The following TRPC6 variants were observed in gnomAD, a reference collection of about 807,000 sequenced individuals.
The protein encoded by TRPC6 is short transient receptor potential channel 6.
Under a neutral mutation model 90.7 loss-of-function variants are expected in TRPC6, and 55 were observed. The observed-to-expected ratio is 0.61, with a 90% CI of 0.49 to 0.76. TRPC6 has a LOEUF of 0.76. Ranked by LOEUF, TRPC6 falls within the 30% of genes least tolerant of loss-of-function variation. The pLI is 0.00. For synonymous variants in TRPC6, 393 were observed against 393.0 expected (o/e 1.00, Z 0.00); for missense variants, 989 against 1,122.7 (o/e 0.88, Z 1.70).
At chr11:101,483,912 CTCTG>C (rs768059956) in intron 4 of TRPC6, among the ~76,000 whole-genome samples, 13 of 152,232 alleles carry the variant, frequency 8.5e-5, no homozygotes, top group Admixed American at 2.6e-4. Context: ...CACGATTCAT[CTCTG>C]TCTAAGAGGT....
In TRPC6 at chr11:101,472,445, A is replaced by T. The variant is rs1859314754; in HGVS notation, c.2010-113T>A. On this transcript the variant is annotated intron_variant, in intron 7 of 12. Transcript: ENST00000344327. ...TCTGCAAATTAGTGAGTATAAAAAA[A>T]ATTCTTCACTTCTCTGAAGCTCACT... The T allele has an allele frequency of 2.0e-6, 2 of 1,013,014 alleles. 1 individual carries two copies. Among genetic ancestry groups the T allele is most frequent in the South Asian group, 3.3e-5 (2 of 61,086 alleles). The allele number at this position is 1,013,014 out of a possible 1,614,324, so 62.8% of individuals were successfully genotyped here. A position where few individuals can be genotyped will look rare whatever the true frequency, so the allele number is the denominator to read the frequency against.
chr11:101,485,211 G>C (rs138613125), intron 4 of TRPC6, among the ~76,000 whole-genome samples: 134 of 151,252 alleles, frequency 8.9e-4, no homozygotes, highest in African/African-American at 3.1e-3. Flanking sequence ...AAGTTAGTTT[G>C]TAAAAGTTTG....
At chr11:101,581,195 T>C (rs529636438) in intron 1 of TRPC6, among the ~76,000 whole-genome samples, 2 of 152,344 alleles carry the variant, frequency 1.3e-5, no homozygotes, top group Non-Finnish European at 2.9e-5. Context: ...ATCACTCTGC[T>C]GCTCAGTTCT....
chr11:101,561,046 C>T (rs1020153299), intron 1 of TRPC6, among the ~76,000 whole-genome samples: 1 of 152,068 alleles, frequency 6.6e-6, no homozygotes, highest in African/African-American at 2.4e-5. Flanking sequence ...TAAAATCTTT[C>T]TAAAATATAT....
chr11:101,511,113 A>G (rs967852228), intron 1 of TRPC6, among the ~76,000 whole-genome samples: 3 of 152,200 alleles, frequency 2.0e-5, no homozygotes, highest in African/African-American at 7.2e-5. Context: ...ACAATTATCA[A>G]TGGGAATAAT....
chr11:101,581,541 C>G (rs1324776477), intron 1 of TRPC6, among the ~76,000 whole-genome samples: 5 of 152,104 alleles, frequency 3.3e-5, no homozygotes, highest in Admixed American at 3.3e-4. Flanking sequence ...TTTTAAAAAG[C>G]CGTATAAATT....
intron 10 of TRPC6, among the ~76,000 whole-genome samples, chr11:101,468,331 T>C (rs1859200067): frequency 6.6e-6 from 1 of 152,084 alleles, no homozygotes; most frequent in Non-Finnish European, 1.5e-5. Context: ...GGGCGATGGT[T>C]GACATGCTAG....
At chr11:101,492,230 A>C (rs1213973810) in intron 2 of TRPC6, among the ~76,000 whole-genome samples, 2 of 152,086 alleles carry the variant, frequency 1.3e-5, no homozygotes, top group African/African-American at 2.4e-5. Flanking sequence ...TAGCACATGA[A>C]GATTTTCTTC....
chr11:101,505,909 A>G (rs1860250449), intron 1 of TRPC6, among the ~76,000 whole-genome samples: 1 of 151,002 alleles, frequency 6.6e-6, no homozygotes. Flanking sequence ...GCTACTCAGG[A>G]GGCTGAGGTA....
At position 101,453,170 on chromosome 11, in the gene TRPC6, T is replaced by C. The variant is rs145475274; in HGVS notation, c.2645-64A>G. 9.0e-5 allele frequency: 134 copies of C among 1,486,352 alleles called. No homozygotes were observed. The African/African-American group carries it at 1.7e-3, about 19-fold the overall frequency. 92.1% of individuals were successfully genotyped at this position (1,486,352 alleles called of 1,614,324 possible). ...CGCAATGCGGAAAAACTAGTGACTG[T>C]GGGACAGGAGGAAATCAGCTCTAAT... On this transcript the variant is annotated intron_variant, in intron 12 of 12. Transcript: ENST00000344327.
rs146977884 is a variant in TRPC6, at chr11:101,490,488, C to T, written c.1128+1068G>A. Among the ~76,000 whole-genome samples the T allele has an allele frequency of 4.5e-3, 681 of 152,294 alleles. 3 individuals are homozygous for T. The highest frequency in any genetic ancestry group is 0.016 in the African/African-American group (648 of 41,554). On this transcript the variant is annotated intron_variant, in intron 3 of 12. Transcript: ENST00000344327. ...ATCTATTTATTTTGAGACAGAGTCTCACTCTGTCACCCAGCCTGGAGTGCA... is the reference window on the plus strand; with the variant it reads ...ATCTATTTATTTTGAGACAGAGTCTTACTCTGTCACCCAGCCTGGAGTGCA...
At chr11:101,523,930 T>A (rs1316932552) in intron 1 of TRPC6, among the ~76,000 whole-genome samples, 1 of 152,234 alleles carries the variant, frequency 6.6e-6, no homozygotes, top group Admixed American at 6.5e-5. Flanking sequence ...AAACATATTG[T>A]CCCCTGTTAT....
intron 5 of TRPC6, among the ~76,000 whole-genome samples, chr11:101,476,846 A>G (rs1482192642): frequency 6.6e-6 from 1 of 152,128 alleles, no homozygotes; most frequent in African/African-American, 2.4e-5. Context: ...TAATAACCCA[A>G]ACACACCCAC....
intron 10 of TRPC6, among the ~76,000 whole-genome samples, chr11:101,469,165 T>C (rs1394903443): frequency 6.6e-6 from 1 of 152,212 alleles, no homozygotes. Flanking sequence ...CTTCTTTATA[T>C]CACCAGTCTT....
chr11:101,556,520 G>C (rs1861563748), intron 1 of TRPC6, among the ~76,000 whole-genome samples: 1 of 152,096 alleles, frequency 6.6e-6, no homozygotes, highest in African/African-American at 2.4e-5. Context: ...AATAGAATAT[G>C]TGAACAGACC....
intron 6 of TRPC6, 126 bp downstream of exon 6, chr11:101,476,175 C>T: frequency 1.3e-6 from 1 of 763,118 alleles, no homozygotes; most frequent in Non-Finnish European, 2.2e-6. Flanking sequence ...GCTCATTCTT[C>T]AGATACAGAT....
intron 1 of TRPC6, among the ~76,000 whole-genome samples, chr11:101,541,126 G>A (rs1861160986): frequency 1.3e-5 from 2 of 152,120 alleles, no homozygotes; most frequent in South Asian, 2.1e-4. Context: ...AAGAAATTTG[G>A]TTGGAACTTT....
chr11:101,568,140 G>C (rs544256403), intron 1 of TRPC6, among the ~76,000 whole-genome samples: 3 of 152,248 alleles, frequency 2.0e-5, no homozygotes, highest in African/African-American at 7.2e-5. Context: ...TAGAAGAATT[G>C]CTAACTAGAA....
At chr11:101,570,417 G>T (rs2950037) in intron 1 of TRPC6, among the ~76,000 whole-genome samples, 1 of 152,166 alleles carries the variant, frequency 6.6e-6, no homozygotes, top group African/African-American at 2.4e-5. Flanking sequence ...GAACCAGACG[G>T]ATTTACAGCC....
Sources: gnomAD v4.1 joint callset for allele counts (sites outside exome capture counted in the v4.1 genomes callset) on GRCh38, gnomAD v4.1.1 for gene constraint, MANE v1.5 for transcripts, NCBI Gene and HGNC (gene_info 2026-07-23, HGNC 2026-07-21) for gene names.